The following RALYL variants were observed in gnomAD, a reference collection of about 807,000 sequenced individuals.
RALYL encodes the protein RALY RNA binding protein like.
Under a neutral mutation model 35.1 loss-of-function variants are expected in RALYL, and 29 were observed. That is an observed-to-expected ratio of 0.83 (90% CI 0.61 to 1.13). The LOEUF is 1.13. Among genes scored for constraint, RALYL ranks in the 50% most tolerant of loss-of-function variants. The pLI, the probability that RALYL is intolerant of heterozygous loss-of-function variation, is 0.00. For synonymous variants in RALYL, 120 were observed against 127.6 expected (o/e 0.94, Z 0.40); for missense variants, 359 against 360.4 (o/e 1.00, Z 0.03).
At chr8:84,364,047 A>G (rs1853675344) in intron 1 of RALYL, among the ~76,000 whole-genome samples, 2 of 152,088 alleles carry the variant, frequency 1.3e-5, no homozygotes, top group South Asian at 4.1e-4. Flanking sequence ...TAGTCTTGTT[A>G]TGCAGTATCT....
chr8:84,261,378 A>T (rs973448685), intron 1 of RALYL, among the ~76,000 whole-genome samples: 35 of 152,284 alleles, frequency 2.3e-4, no homozygotes, highest in African/African-American at 7.5e-4. Flanking sequence ...GGTTTCTCCC[A>T]TCCTTTCCTC....
chr8:84,593,017 G>T (rs543318647), intron 2 of RALYL, among the ~76,000 whole-genome samples: 5 of 152,078 alleles, frequency 3.3e-5, no homozygotes, highest in Non-Finnish European at 7.4e-5. Flanking sequence ...TAGAGCACCA[G>T]CATTAGACTC....
chr8:84,420,204 C>T (rs1439907234), intron 1 of RALYL, among the ~76,000 whole-genome samples: 1 of 151,946 alleles, frequency 6.6e-6, no homozygotes, highest in Non-Finnish European at 1.5e-5. Context: ...CTCTCCAGCA[C>T]CTGTTGTTTC....
At chr8:84,517,383 C>G (rs2058145272) in intron 1 of RALYL, among the ~76,000 whole-genome samples, 1 of 152,186 alleles carries the variant, frequency 6.6e-6, no homozygotes, top group Non-Finnish European at 1.5e-5. Context: ...AGAATCACAA[C>G]TGCTCCTGAG....
At chr8:84,732,668 T>TTATATATATATATATATATATA (rs1554553641) in intron 2 of RALYL, among the ~76,000 whole-genome samples, 14 of 132,474 alleles carry the variant, frequency 1.1e-4, no homozygotes, top group East Asian at 2.0e-4. Context: ...TATTAAATAA[T>TTATATATATATATATATATATA]TATATATATA....
intron 1 of RALYL, among the ~76,000 whole-genome samples, chr8:84,527,366 G>T (rs751846580): frequency 1.1e-4 from 17 of 152,152 alleles, no homozygotes; most frequent in Non-Finnish European, 2.9e-5. Flanking sequence ...GTTATCAATG[G>T]CAGACCACCG....
chr8:84,748,042 C>A (rs1004860571), intron 2 of RALYL, among the ~76,000 whole-genome samples: 1 of 151,890 alleles, frequency 6.6e-6, no homozygotes, highest in Admixed American at 6.6e-5. Context: ...CAAGTGTCAT[C>A]TTAATACTTT....
chr8:84,789,442 CAT>C lies in RALYL; in HGVS notation c.332+14790_332+14791del, dbSNP rs375912986. Among the ~76,000 whole-genome samples, 10 of 152,198 alleles carry C rather than the reference CAT, an allele frequency of 6.6e-5. No individual in the cohort carries two copies. The East Asian group carries it at 1.7e-3, about 26-fold the overall frequency. ...AGGAAGAATTTAAATGGAATTGTAA[CAT>C]AATTTTATGATTTGTTGAAGATTAT... On this transcript the variant is annotated intron_variant, in intron 3 of 8. Transcript: ENST00000521268.
chr8:84,474,543 G>A (rs986584928), intron 1 of RALYL, among the ~76,000 whole-genome samples: 1 of 152,030 alleles, frequency 6.6e-6, no homozygotes, highest in Non-Finnish European at 1.5e-5. Context: ...TTAGAGCATT[G>A]TATATGTGGA....
intron 3 of RALYL, among the ~76,000 whole-genome samples, chr8:84,785,242 TC>T (rs1453052603): frequency 6.6e-6 from 1 of 152,206 alleles, no homozygotes; most frequent in African/African-American, 2.4e-5. Flanking sequence ...TGACATTATC[TC>T]CTCTTCCCAC....
At chr8:84,586,712 G>A (rs947795949) in intron 2 of RALYL, among the ~76,000 whole-genome samples, 1 of 152,054 alleles carries the variant, frequency 6.6e-6, no homozygotes. Flanking sequence ...AAAACTGCAT[G>A]TTGCTGATTT....
intron 1 of RALYL, among the ~76,000 whole-genome samples, chr8:84,372,992 C>G (rs1460337140): frequency 2.8e-5 from 4 of 141,488 alleles, no homozygotes; most frequent in Non-Finnish European, 6.1e-5. Flanking sequence ...CCGTACTGAT[C>G]AGTTATATTG....
At chr8:84,363,498 C>A (rs1853526887) in intron 1 of RALYL, among the ~76,000 whole-genome samples, 1 of 152,154 alleles carries the variant, frequency 6.6e-6, no homozygotes, top group African/African-American at 2.4e-5. Context: ...TGATCAACAA[C>A]CTAATACCAC....
intron 2 of RALYL, among the ~76,000 whole-genome samples, chr8:84,676,959 A>T (rs1279059250): frequency 6.6e-6 from 1 of 151,766 alleles, no homozygotes; most frequent in Non-Finnish European, 1.5e-5. Context: ...ATGCCACCAC[A>T]CCTGGCTAAT....
At chr8:84,323,206 T>G (rs181717723) in intron 1 of RALYL, among the ~76,000 whole-genome samples, 1 of 152,196 alleles carries the variant, frequency 6.6e-6, no homozygotes, top group Admixed American at 6.6e-5. Context: ...TTGTAATCCT[T>G]AATAATTATT....
chr8:84,638,818 A>T (rs1245532581), intron 2 of RALYL, among the ~76,000 whole-genome samples: 1 of 127,414 alleles, frequency 7.8e-6, no homozygotes, highest in African/African-American at 2.7e-5. Flanking sequence ...GTTGTTATGG[A>T]GTCCTGAGAA....
intron 2 of RALYL, among the ~76,000 whole-genome samples, chr8:84,741,469 A>G (rs1219426318): frequency 6.6e-6 from 1 of 152,076 alleles, no homozygotes; most frequent in East Asian, 1.9e-4. Context: ...ATTCAGTTCC[A>G]AAGGCTGCTC....
At chr8:84,344,979 T>C (rs1203225245) in intron 1 of RALYL, among the ~76,000 whole-genome samples, 1 of 152,134 alleles carries the variant, frequency 6.6e-6, no homozygotes, top group Non-Finnish European at 1.5e-5. Flanking sequence ...ATAGTGGCTT[T>C]TGTAAATAAT....
At chr8:84,348,052 A>T (rs1850183863) in intron 1 of RALYL, among the ~76,000 whole-genome samples, 1 of 152,022 alleles carries the variant, frequency 6.6e-6, no homozygotes, top group Non-Finnish European at 1.5e-5. Context: ...TATGGACCTA[A>T]CCTGATCAGT....
Sources: gnomAD v4.1 joint callset for allele counts (sites outside exome capture counted in the v4.1 genomes callset) on GRCh38, gnomAD v4.1.1 for gene constraint, MANE v1.5 for transcripts, NCBI Gene and HGNC (gene_info 2026-07-23, HGNC 2026-07-21) for gene names.